The following TBC1D5 variants were observed in gnomAD, a reference collection of about 807,000 sequenced individuals.
The protein encoded by TBC1D5 is TBC1 domain family member 5, also known as TBC1 domain family, member 5.
A neutral mutation model predicts 100.3 loss-of-function variants in TBC1D5; 75 were observed. That is an observed-to-expected ratio of 0.75 (90% CI 0.62 to 0.91). The LOEUF is 0.91. Ranked by LOEUF, TBC1D5 falls within the 40% of genes least tolerant of loss-of-function variation. The pLI, the probability that TBC1D5 is intolerant of heterozygous loss-of-function variation, is 0.00. For missense variants in TBC1D5, 910 were observed against 942.4 expected, an observed-to-expected ratio of 0.97 and a Z score of 0.45; for synonymous variants, 323 against 325.6, an observed-to-expected ratio of 0.99 and a Z score of 0.09.
intron 1 of TBC1D5, among the ~76,000 whole-genome samples, chr3:17,715,981 G>A (rs1328079720): frequency 1.3e-5 from 2 of 148,256 alleles, no homozygotes; most frequent in Non-Finnish European, 3.0e-5. Context: ...GAATCCGGGA[G>A]GCGGAGGCTG....
At chr3:17,640,744 A>C (rs2064419474) in intron 1 of TBC1D5, among the ~76,000 whole-genome samples, 1 of 152,074 alleles carries the variant, frequency 6.6e-6, no homozygotes, top group South Asian at 2.1e-4. Context: ...CAAAAATGCA[A>C]TGCCCTTTTG....
At chr3:17,327,530 G>C (rs1227466719) in intron 13 of TBC1D5, among the ~76,000 whole-genome samples, 1 of 152,074 alleles carries the variant, frequency 6.6e-6, no homozygotes, top group Non-Finnish European at 1.5e-5. Flanking sequence ...TCTACTTCAG[G>C]ACCTTTGTAC....
chr3:17,254,805 T>C (rs1219051266), intron 16 of TBC1D5, among the ~76,000 whole-genome samples: 1 of 147,624 alleles, frequency 6.8e-6, no homozygotes, highest in African/African-American at 2.5e-5. Context: ...GGTTTGATGA[T>C]ATACTAGAAG....
At chr3:17,559,631 C>T (rs1447315192) in intron 2 of TBC1D5, among the ~76,000 whole-genome samples, 1 of 151,518 alleles carries the variant, frequency 6.6e-6, no homozygotes, top group African/African-American at 2.4e-5. Flanking sequence ...GCACTGTTGC[C>T]CTGGCTGGAG....
chr3:17,540,724 T>C (rs2096343657), intron 2 of TBC1D5, among the ~76,000 whole-genome samples: 1 of 151,424 alleles, frequency 6.6e-6, no homozygotes, highest in Admixed American at 6.6e-5. Context: ...CTGGCCAACA[T>C]GGTGAAACCC....
intron 13 of TBC1D5, among the ~76,000 whole-genome samples, chr3:17,344,309 A>T (rs1226470983): frequency 6.6e-6 from 1 of 152,178 alleles, no homozygotes; most frequent in African/African-American, 2.4e-5. Flanking sequence ...GTGAACTCCC[A>T]TTCACAATTG....
At chr3:17,513,902 G>A (rs548730650) in intron 2 of TBC1D5, among the ~76,000 whole-genome samples, 27 of 152,140 alleles carry the variant, frequency 1.8e-4, no homozygotes, top group Non-Finnish European at 2.2e-4. Context: ...ACAATTAAGA[G>A]ATAGCGCAAT....
In TBC1D5 at chr3:17,326,755, T is replaced by C. The variant is rs550331571; in HGVS notation, c.996-18621A>G. Among the ~76,000 whole-genome samples the C allele has an allele frequency of 1.3e-4, 20 of 152,348 alleles. No homozygotes were observed. In the East Asian group the frequency reaches 3.7e-3, roughly 28 times the overall value. On this transcript the variant is annotated intron_variant, in intron 13 of 21. Coordinates refer to ENST00000253692, the Ensembl canonical transcript of TBC1D5. The stretch of plus-strand genomic sequence containing the variant: ...TCCTAAAGTCCTGAGATTGCTGGCA[T>C]GAGCCAGGGCAGCCAGCCTATACTT...
chr3:17,524,403 C>A (rs1000777636), intron 2 of TBC1D5, among the ~76,000 whole-genome samples: 1 of 152,150 alleles, frequency 6.6e-6, no homozygotes, highest in African/African-American at 2.4e-5. Context: ...ATCAACAATT[C>A]TACCACTAAA....
At chr3:17,194,826 C>T (rs1407811371) in intron 18 of TBC1D5, among the ~76,000 whole-genome samples, 1 of 152,136 alleles carries the variant, frequency 6.6e-6, no homozygotes, top group Non-Finnish European at 1.5e-5. Context: ...ATTTTGCTTT[C>T]CTAGAAGTTG....
chr3:17,510,146 T>A (rs1461424041), intron 2 of TBC1D5, among the ~76,000 whole-genome samples: 1 of 151,714 alleles, frequency 6.6e-6, no homozygotes, highest in Non-Finnish European at 1.5e-5. Context: ...ACAAAATGAG[T>A]ATCTAATTTT....
chr3:17,640,345 T>TAACTTTATTAAAACTAAATA (rs1171811373), intron 1 of TBC1D5, among the ~76,000 whole-genome samples: 1 of 152,170 alleles, frequency 6.6e-6, no homozygotes, highest in African/African-American at 2.4e-5. Flanking sequence ...AAACTTTATT[T>TAACTTTATTAAAACTAAATA]AACTTTATTA....
At chr3:17,442,991 G>A (rs1271650112) in intron 3 of TBC1D5, among the ~76,000 whole-genome samples, 6 of 152,144 alleles carry the variant, frequency 3.9e-5, no homozygotes, top group Admixed American at 3.9e-4. Flanking sequence ...AAATTCTCCA[G>A]AGGATTTAAC....
chr3:17,642,149 G>A (rs1476032999), intron 1 of TBC1D5, among the ~76,000 whole-genome samples: 2 of 151,900 alleles, frequency 1.3e-5, no homozygotes, highest in East Asian at 3.9e-4. Context: ...TATTTTTCTA[G>A]TATTTCAACT....
intron 14 of TBC1D5, among the ~76,000 whole-genome samples, chr3:17,304,907 A>G (rs1366181988): frequency 1.3e-5 from 2 of 152,150 alleles, no homozygotes; most frequent in Admixed American, 6.5e-5. Context: ...AGATCACTCT[A>G]TATCTGCTAT....
chr3:17,564,152 T>C lies in TBC1D5; in HGVS notation c.-35-55547A>G, dbSNP rs906050887. 5.3e-5 allele frequency among the ~76,000 whole-genome samples: 8 copies of C among 152,230 alleles called. No individual in the cohort carries two copies. The East Asian group carries it at 1.5e-3, about 29-fold the overall frequency. ...TTTTAGCAAAAACATGGAGTACTTA[T>C]ACATTAACAAAAAATAAAGATAGTT... On this transcript the variant is annotated intron_variant, in intron 2 of 21. Coordinates refer to ENST00000253692, the Ensembl canonical transcript of TBC1D5.
intron 1 of TBC1D5, among the ~76,000 whole-genome samples, chr3:17,713,666 A>T (rs2074972280): frequency 6.6e-6 from 1 of 151,736 alleles, no homozygotes; most frequent in African/African-American, 2.4e-5. Flanking sequence ...ATATATAAAG[A>T]ACTCTTAAAA....
At chr3:17,430,072 T>C (rs2094420118) in intron 3 of TBC1D5, among the ~76,000 whole-genome samples, 1 of 151,794 alleles carries the variant, frequency 6.6e-6, no homozygotes, top group Non-Finnish European at 1.5e-5. Flanking sequence ...GGGTATGGTA[T>C]TACTCATACA....
At chr3:17,334,818 T>A (rs796632470) in intron 13 of TBC1D5, among the ~76,000 whole-genome samples, 24 of 152,310 alleles carry the variant, frequency 1.6e-4, no homozygotes, top group African/African-American at 5.8e-4. Context: ...TCAAAAGGAT[T>A]CAGCAAGGTA....
Sources: gnomAD v4.1 joint callset for allele counts (sites outside exome capture counted in the v4.1 genomes callset) on GRCh38, gnomAD v4.1.1 for gene constraint, MANE v1.5 for transcripts, NCBI Gene and HGNC (gene_info 2026-07-23, HGNC 2026-07-21) for gene names.